ACTR3B: variants seen among roughly 807,000 people sequenced by gnomAD.
The protein encoded by ACTR3B is actin related protein 3B.
A neutral mutation model predicts 59.0 loss-of-function variants in ACTR3B; 8 were observed. The ratio of observed to expected loss-of-function variants is 0.14; its 90% CI spans 0.08 to 0.24. The LOEUF (loss-of-function observed/expected upper bound fraction) is 0.24, where lower values mean the gene tolerates loss of function less well. Among genes scored for constraint, ACTR3B ranks in the 10% least tolerant of loss-of-function variants. The probability of loss-of-function intolerance (pLI) is 1.00; values close to 1 mark genes in which losing one functional copy is unlikely to be tolerated. For missense variants in ACTR3B, 245 were observed against 552.3 expected (o/e 0.44, Z 5.58); for synonymous variants, 148 against 197.9 (o/e 0.75, Z 2.12).
intron 9 of ACTR3B, among the ~76,000 whole-genome samples, chr7:152,850,932 A>G (rs1798753564): frequency 1.3e-5 from 2 of 152,128 alleles, no homozygotes; most frequent in African/African-American, 4.8e-5. Context: ...TCTTAAAGGA[A>G]ATAGGGCTTT....
intron 1 of ACTR3B, among the ~76,000 whole-genome samples, chr7:152,776,881 C>A (rs2098137363): frequency 6.6e-6 from 1 of 152,144 alleles, no homozygotes; most frequent in African/African-American, 2.4e-5. Context: ...CCGTTTATGG[C>A]AGTAAGTATA....
In ACTR3B at chr7:152,840,678, T is replaced by G. The variant is rs1466673816; in HGVS notation, c.952-11448T>G. Among the ~76,000 whole-genome samples the G allele has an allele frequency of 2.6e-5, 3 of 115,996 alleles. No individual in the cohort carries two copies. The East Asian group carries it at 8.4e-4, about 32-fold the overall frequency. 76.1% of individuals were successfully genotyped at this position (115,996 alleles called of 152,430 possible). ...CCGGCAGTTCCATAGAGCCTGTCAC[T>G]TAACACTTGTATGTTCCTTTTAGAC... On this transcript the variant is annotated intron_variant, in intron 9 of 11. Coordinates refer to ENST00000256001, the MANE Select transcript of ACTR3B (RefSeq NM_020445.6).
intron 9 of ACTR3B, among the ~76,000 whole-genome samples, chr7:152,849,728 G>T (rs1037877193): frequency 2.6e-5 from 4 of 152,274 alleles, no homozygotes; most frequent in African/African-American, 9.6e-5. Context: ...GCCCCTGACA[G>T]TCTTTCACCT....
At chr7:152,795,692 A>G (rs961322301) in intron 2 of ACTR3B, among the ~76,000 whole-genome samples, 10 of 152,220 alleles carry the variant, frequency 6.6e-5, no homozygotes, top group African/African-American at 2.4e-4. Flanking sequence ...AGAAGAAGCA[A>G]AAGTCACCAG....
intron 9 of ACTR3B, among the ~76,000 whole-genome samples, chr7:152,847,455 CTG>C (rs1281599612): frequency 6.6e-6 from 1 of 152,188 alleles, no homozygotes; most frequent in Non-Finnish European, 1.5e-5. Flanking sequence ...GAACAATTAA[CTG>C]TATTTTGCCT....
chr7:152,792,222 C>T (rs2871625), intron 2 of ACTR3B, among the ~76,000 whole-genome samples: 5 of 152,154 alleles, frequency 3.3e-5, no homozygotes, highest in South Asian at 4.2e-4. Flanking sequence ...AATCTTTCCT[C>T]GATATACATT....
At chr7:152,833,360 C>T (rs1340708802) in intron 9 of ACTR3B, among the ~76,000 whole-genome samples, 2 of 152,204 alleles carry the variant, frequency 1.3e-5, no homozygotes, top group Non-Finnish European at 2.9e-5. Flanking sequence ...GTTCAGACTT[C>T]GCTGGGATTG....
In ACTR3B at chr7:152,789,466, G is replaced by C. The variant is rs140319070; in HGVS notation, c.100+6224G>C. Among the ~76,000 whole-genome samples, 125 of 150,590 alleles carry C rather than the reference G, an allele frequency of 8.3e-4. 1 individual carries two copies. In the East Asian group the frequency reaches 0.021, roughly 26 times the overall value. ...TATTTTTAGGTACCTTTAAGTTTTC[G>C]TTGCTGTCGTCAAAATATTTTAAAA... On this transcript the variant is annotated intron_variant, in intron 2 of 11. Transcript: ENST00000256001.
intron 9 of ACTR3B, among the ~76,000 whole-genome samples, chr7:152,839,375 G>A (rs1436722976): frequency 5.7e-5 from 8 of 140,224 alleles, no homozygotes; most frequent in Non-Finnish European, 1.2e-4. Flanking sequence ...CCAGGTGTGT[G>A]TTCTGCCCTG....
At chr7:152,809,832 C>T (rs1241684092) in intron 4 of ACTR3B, among the ~76,000 whole-genome samples, 23 of 152,214 alleles carry the variant, frequency 1.5e-4, no homozygotes, top group East Asian at 5.8e-4. Flanking sequence ...TGAGCCACTG[C>T]GCCCAGCTAG....
chr7:152,764,643 CAAAAAAAA>C (rs57066285), intron 1 of ACTR3B, among the ~76,000 whole-genome samples: 2 of 116,744 alleles, frequency 1.7e-5, no homozygotes, highest in Admixed American at 1.7e-4. Flanking sequence ...GACTCCATCT[CAAAAAAAA>C]AAAAAAAGAA....
chr7:152,852,724 C>T (rs748071932), intron 10 of ACTR3B, among the ~76,000 whole-genome samples: 9 of 152,118 alleles, frequency 5.9e-5, no homozygotes, highest in Non-Finnish European at 1.2e-4. Flanking sequence ...GAGTGGGCTT[C>T]GATAGGGGCA....
chr7:152,787,492 T>C (rs2116647723), intron 2 of ACTR3B, among the ~76,000 whole-genome samples: 1 of 152,062 alleles, frequency 6.6e-6, no homozygotes, highest in Admixed American at 6.5e-5. Context: ...AATTTGTTTC[T>C]GTTTAAAAAA....
chr7:152,849,505 C>T (rs756629578), intron 9 of ACTR3B, among the ~76,000 whole-genome samples: 110 of 152,344 alleles, frequency 7.2e-4, no homozygotes, highest in South Asian at 1.5e-3. Context: ...GAGGCTCTGT[C>T]CCTGGCCAAG....
At chr7:152,807,251 A>G (rs1464882802) in intron 4 of ACTR3B, among the ~76,000 whole-genome samples, 1 of 152,232 alleles carries the variant, frequency 6.6e-6, no homozygotes, top group Non-Finnish European at 1.5e-5. Context: ...GGGACTTTTT[A>G]TAGTCTTATC....
intron 4 of ACTR3B, among the ~76,000 whole-genome samples, chr7:152,805,484 C>T (rs933846107): frequency 6.6e-6 from 1 of 152,190 alleles, no homozygotes; most frequent in African/African-American, 2.4e-5. Context: ...AACGTACCAT[C>T]CATGGTATTT....
intron 9 of ACTR3B, among the ~76,000 whole-genome samples, chr7:152,828,495 C>T (rs576103379): frequency 3.9e-4 from 59 of 152,248 alleles, no homozygotes; most frequent in Non-Finnish European, 6.8e-4. Flanking sequence ...CTCCTTAGTG[C>T]GGTGGAGAGC....
intron 1 of ACTR3B, among the ~76,000 whole-genome samples, chr7:152,778,529 G>C (rs1328254589): frequency 6.6e-5 from 10 of 152,018 alleles, no homozygotes; most frequent in Admixed American, 6.6e-4. Context: ...GAGCCACTGT[G>C]CCTGGCCTTT....
chr7:152,835,928 G>C (rs1231047444), intron 9 of ACTR3B, among the ~76,000 whole-genome samples: 4 of 151,088 alleles, frequency 2.6e-5, no homozygotes, highest in Non-Finnish European at 5.9e-5. Flanking sequence ...GAGGTGCTCA[G>C]TAAATGCTGC....
Sources: allele counts gnomAD v4.1 joint callset (sites outside exome capture counted in the v4.1 genomes callset), GRCh38; gene constraint gnomAD v4.1.1; transcripts MANE v1.5; gene names NCBI Gene and HGNC (gene_info 2026-07-23, HGNC 2026-07-21).